Variants in RALGPS2 observed in about 807,000 individuals in gnomAD.
The protein encoded by RALGPS2 is Ral GEF with PH domain and SH3 binding motif 2.
Under a neutral mutation model 86.8 loss-of-function variants are expected in RALGPS2, and 43 were observed. The observed-to-expected ratio is 0.50, with a 90% CI of 0.39 to 0.64. The LOEUF (loss-of-function observed/expected upper bound fraction) is 0.64. Ranked by LOEUF, RALGPS2 falls within the 30% of genes least tolerant of loss-of-function variation. The pLI, the probability that RALGPS2 is intolerant of heterozygous loss-of-function variation, is 0.00. For missense variants in RALGPS2, 536 were observed against 694.6 expected (o/e 0.77, Z 2.57); for synonymous variants, 243 against 231.3 (o/e 1.05, Z -0.46).
intron 8 of RALGPS2, among the ~76,000 whole-genome samples, chr1:178,874,602 C>T (rs1658916909): frequency 1.3e-5 from 2 of 152,200 alleles, no homozygotes; most frequent in Non-Finnish European, 2.9e-5. Flanking sequence ...TATGAAACTC[C>T]TGTTTAAACT....
At chr1:178,845,116 A>C (rs60696453) in intron 8 of RALGPS2, among the ~76,000 whole-genome samples, 12 of 152,196 alleles carry the variant, frequency 7.9e-5, no homozygotes, top group East Asian at 3.9e-4. Context: ...AAAAAAAAAA[A>C]ACCATATTTT....
rs1482814383 is a variant in RALGPS2 at position 178,892,210 on chromosome 1, T to C, written c.1248-20T>C. 1.9e-6 allele frequency: 3 copies of C among 1,602,964 alleles called. No individual in the cohort carries two copies. Among genetic ancestry groups the C allele is most frequent in the African/African-American group, 1.3e-5 (1 of 74,564 alleles). On this transcript the variant is annotated intron_variant, in intron 14 of 19. Transcript: ENST00000367635. ...ATAAAAGTATATGTAATATATACAA[T>C]TTATAATGGAATCCAACAGGAACAG...
chr1:178,871,366 A>C (rs1403816579), intron 8 of RALGPS2, among the ~76,000 whole-genome samples: 2 of 151,754 alleles, frequency 1.3e-5, no homozygotes, highest in Non-Finnish European at 1.5e-5. Context: ...TGAATACCGA[A>C]AAAAAAAATA....
chr1:178,818,842 A>C (rs750170485), intron 6 of RALGPS2, among the ~76,000 whole-genome samples: 1 of 150,326 alleles, frequency 6.7e-6, no homozygotes, highest in Admixed American at 6.6e-5. Context: ...TGTGTCCACA[A>C]CTCTCCAGTG....
chr1:178,762,485 A>G (rs1439881078), intron 1 of RALGPS2, among the ~76,000 whole-genome samples: 1 of 152,146 alleles, frequency 6.6e-6, no homozygotes, highest in Non-Finnish European at 1.5e-5. Context: ...GCGCATAAAC[A>G]TTTCCAGTTC....
In RALGPS2 at chr1:178,916,341, C is replaced by A; in HGVS notation, c.1734C>A (p.Asn578Lys). The A allele has an allele frequency of 6.2e-7, 1 of 1,602,372 alleles. No homozygotes were observed. The highest frequency in any genetic ancestry group is 8.5e-7 in the Non-Finnish European group (1 of 1,170,078). ...CQSNKQQVPT[N>K]LMTFE ...CTTATATTTTTTAGGTTCCTACAAA[C>A]TTGATGACTTTTGAGTAGAAGCCTG... Residue 578 changes from asparagine (N) to lysine (K), a missense_variant, in exon 20 of 20, where the codon AAC (asparagine) becomes AAA (lysine). Coordinates refer to ENST00000367635, the MANE Select transcript of RALGPS2 (RefSeq NM_152663.5).
intron 15 of RALGPS2, 181 bp from the exon 16 acceptor site, chr1:178,893,738 C>T: frequency 2.2e-6 from 1 of 451,874 alleles, no homozygotes; most frequent in Non-Finnish European, 3.9e-6. Context: ...ACTTTCTAAT[C>T]AACTTTTTGT....
At chr1:178,767,420 T>C (rs1652561889) in intron 1 of RALGPS2, among the ~76,000 whole-genome samples, 2 of 149,578 alleles carry the variant, frequency 1.3e-5, no homozygotes, top group Non-Finnish European at 3.0e-5. Flanking sequence ...GGTTTGATTA[T>C]GGTATAAGGT....
At chr1:178,825,071 G>A (rs923617518) in intron 7 of RALGPS2, among the ~76,000 whole-genome samples, 3 of 152,046 alleles carry the variant, frequency 2.0e-5, no homozygotes, top group Non-Finnish European at 4.4e-5. Flanking sequence ...AAACGTAATA[G>A]GTTTGATAGA....
At chr1:178,905,026 T>C (rs1478453806) in intron 18 of RALGPS2, among the ~76,000 whole-genome samples, 1 of 152,208 alleles carries the variant, frequency 6.6e-6, no homozygotes, top group African/African-American at 2.4e-5. Context: ...GTGATTTTTT[T>C]CAGCAGTGTT....
chr1:178,803,089 G>A (rs1174875736), intron 4 of RALGPS2, among the ~76,000 whole-genome samples: 1 of 152,166 alleles, frequency 6.6e-6, no homozygotes, highest in Non-Finnish European at 1.5e-5. Flanking sequence ...TCTCGTGGGA[G>A]TGTAAATGAT....
At chr1:178,780,347 C>T (rs928081082) in intron 2 of RALGPS2, among the ~76,000 whole-genome samples, 6 of 152,186 alleles carry the variant, frequency 3.9e-5, no homozygotes, top group Admixed American at 1.3e-4. Flanking sequence ...TTAGTTTGGT[C>T]GTTTATTATT....
intron 5 of RALGPS2, among the ~76,000 whole-genome samples, chr1:178,809,981 C>T (rs1654899021): frequency 6.6e-6 from 1 of 152,050 alleles, no homozygotes; most frequent in Non-Finnish European, 1.5e-5. Context: ...GGTGCAGTGG[C>T]AAGTGCCTGT....
chr1:178,811,914 G>A (rs1655004284), intron 6 of RALGPS2, among the ~76,000 whole-genome samples: 1 of 152,088 alleles, frequency 6.6e-6, no homozygotes, highest in African/African-American at 2.4e-5. Flanking sequence ...AAAGGTAGTT[G>A]GAAATTAGAA....
At position 178,747,665 on chromosome 1, in the gene RALGPS2, GT is replaced by G. The variant is rs1651411125; in HGVS notation, c.-84+22249del. The G allele has an allele frequency of 2.6e-6, 4 of 1,526,692 alleles. No individual in the cohort carries two copies. The African/African-American group carries it at 5.5e-5, about 21-fold the overall frequency. The allele number at this position is 1,526,692 out of a possible 1,614,324, so 94.6% of individuals were successfully genotyped here. On this transcript the variant is annotated intron_variant, in intron 1 of 19. Coordinates refer to ENST00000367635, the MANE Select transcript of RALGPS2 (RefSeq NM_152663.5). ...ATATAATCATTCTCAGCATTTTGCA[GT>G]TTAACACAACTGTGATCATCAAGTA...
chr1:178,767,230 T>A (rs1487858911), intron 1 of RALGPS2, among the ~76,000 whole-genome samples: 1 of 152,202 alleles, frequency 6.6e-6, no homozygotes, highest in Non-Finnish European at 1.5e-5. Context: ...AGGTTATGAA[T>A]AATTGCTGGG....
chr1:178,776,973 T>C (rs957420265), intron 2 of RALGPS2, 152 bp downstream of exon 2: 13 of 597,992 alleles, frequency 2.2e-5, no homozygotes, highest in Non-Finnish European at 3.1e-5. Context: ...TTTTATACTT[T>C]AAGTTTTAGG....
At chr1:178,891,172 C>A (rs1659697625) in intron 14 of RALGPS2, among the ~76,000 whole-genome samples, 1 of 152,010 alleles carries the variant, frequency 6.6e-6, no homozygotes, top group Non-Finnish European at 1.5e-5. Context: ...TGCTTTATAA[C>A]AGGTGTTTTG....
At chr1:178,806,132 T>G (rs1265093562) in intron 4 of RALGPS2, among the ~76,000 whole-genome samples, 2 of 152,186 alleles carry the variant, frequency 1.3e-5, no homozygotes, top group Middle Eastern at 3.4e-3. Flanking sequence ...GGGTCTCATA[T>G]CTTCCTTTTT....
Sources: gnomAD v4.1 joint callset for allele counts (sites outside exome capture counted in the v4.1 genomes callset) on GRCh38, gnomAD v4.1.1 for gene constraint, MANE v1.5 for transcripts, NCBI Gene and HGNC (gene_info 2026-07-23, HGNC 2026-07-21) for gene names.